Variants in LRCH4 observed in about 807,000 individuals in gnomAD.
The protein encoded by LRCH4 is leucine rich repeats and calponin homology domain containing 4, also known as leucine-rich repeat and calponin homology domain-containing protein 4.
In LRCH4, 56 loss-of-function variants were observed where a neutral mutation model predicts 81.2. The ratio of observed to expected loss-of-function variants is 0.69; its 90% CI spans 0.56 to 0.86. LRCH4 has a LOEUF of 0.86. Ranked by LOEUF, LRCH4 falls within the 40% of genes least tolerant of loss-of-function variation. The pLI, the probability that LRCH4 is intolerant of heterozygous loss-of-function variation, is 0.00. For synonymous variants in LRCH4, 442 were observed against 409.7 expected, an observed-to-expected ratio of 1.08 and a Z score of -0.95; for missense variants, 895 against 922.8, an observed-to-expected ratio of 0.97 and a Z score of 0.39.
In LRCH4 at chr7:100,574,282, A is replaced by G. The variant is rs1177583628; in HGVS notation, c.*825T>C. On this transcript the variant is annotated 3_prime_UTR_variant, in exon 18 of 18. Coordinates refer to ENST00000310300, the MANE Select transcript of LRCH4 (RefSeq NM_002319.5). The stretch of plus-strand genomic sequence containing the variant: ...GCCGGTCCAGCAGGGCGTGGACGAC[A>G]GCAGCGATGTAGGGGAGGCCCCTTC... 1.1e-5 allele frequency: 2 copies of G among 189,892 alleles called. No homozygotes were observed. The highest frequency in any genetic ancestry group is 2.3e-5 in the Non-Finnish European group (2 of 87,388). 11.8% of individuals were successfully genotyped at this position (189,892 alleles called of 1,614,324 possible).
At chr7:100,576,638 G>T in intron 14 of LRCH4, 56 bp downstream of exon 14, 1 of 1,438,104 alleles carries the variant, frequency 7.0e-7, no homozygotes, top group South Asian at 1.2e-5. Context: ...GAAGGGTGAT[G>T]TAGCCGTTGG....
rs193185187 is a variant in LRCH4, at chr7:100,583,379, C to G, written c.221-920G>C. On this transcript the variant is annotated intron_variant, in intron 1 of 17. Coordinates refer to ENST00000310300, the MANE Select transcript of LRCH4 (RefSeq NM_002319.5). This position sits in a 1 kb window ranked among gnomAD's most constrained non-coding sequence, Gnocchi z 4.3. The stretch of plus-strand genomic sequence containing the variant: ...GGCAGCCTTGGGATTCCCTGTAGCA[C>G]GGACCCACTAACGGCTTAGACCTGG... Among the ~76,000 whole-genome samples the G allele has an allele frequency of 1.3e-5, 2 of 152,154 alleles. No individual in the cohort carries two copies.
Position 100,574,993 on chromosome 7 carries a change from G to A in LRCH4, c.*114C>T. 1.0e-6 allele frequency: 1 copy of A among 989,724 alleles called. No individual in the cohort carries two copies. The highest frequency in any genetic ancestry group is 1.5e-6 in the Non-Finnish European group (1 of 675,938). 61.3% of individuals were successfully genotyped at this position (989,724 alleles called of 1,614,324 possible). The stretch of plus-strand genomic sequence containing the variant: ...CTCTGAGGTCAGTGTCTGTGAAGGG[G>A]GTGCACTAGTGTCTTTGGTTGGGGC... On this transcript the variant is annotated 3_prime_UTR_variant, in exon 18 of 18. Transcript: ENST00000310300.
rs767964258 is a variant in LRCH4 at position 100,582,092 on chromosome 7, CTTG to C, written c.438_440del (p.Asn146del). The C allele has an allele frequency of 1.2e-6, 2 of 1,612,124 alleles. No homozygotes were observed. The highest frequency in any genetic ancestry group is 1.7e-5 in the Admixed American group (1 of 59,870). On this transcript the variant is annotated inframe_deletion, in exon 3 of 18. Coordinates refer to ENST00000310300, the MANE Select transcript of LRCH4 (RefSeq NM_002319.5). The surrounding 1 kb of genome is among the most constrained non-coding windows in gnomAD (Gnocchi z 5.0). Reference sequence around the variant, plus strand: ...CGATGTCAGGGGGCAGGGCTCCCAGCTTGTTGTTGCTGACGATGAGGACCCTCA... The same window carrying C: ...CGATGTCAGGGGGCAGGGCTCCCAGCTTGTTGCTGACGATGAGGACCCTCA...
In LRCH4 at chr7:100,577,000, G is replaced by A. The variant is rs571081699; in HGVS notation, c.1370C>T (p.Ser457Leu). 20 of 1,611,874 alleles carry A rather than the reference G, an allele frequency of 1.2e-5. No individual in the cohort carries two copies. In the South Asian group the frequency reaches 1.6e-4, roughly 13 times the overall value. ...AVSTQAMHNG[S>L]PKSSASQAGA... Reference sequence around the variant, plus strand: ...TGCTTGGGAGGCACTGGACTTAGGCGAGCCGCTGAGGAGAGACAGAAGGGA... The same window carrying A: ...TGCTTGGGAGGCACTGGACTTAGGCAAGCCGCTGAGGAGAGACAGAAGGGA... The change falls in exon 13 of 18, where the codon TCG becomes TTG. Residue 457 changes from serine (S) to leucine (L), a missense_variant. This residue lies in a region of LRCH4 where 529 missense variants were observed against 504.9 expected (regional missense o/e 1.05). Transcript: ENST00000310300.
chr7:100,583,964 G>A lies in LRCH4; in HGVS notation c.221-1505C>T, dbSNP rs1362558655. The A allele has an allele frequency of 5.6e-6, 2 of 356,146 alleles. No homozygotes were observed. The highest frequency in any genetic ancestry group is 2.0e-5 in the South Asian group (1 of 48,960). The allele number at this position is 356,146 out of a possible 1,614,324, so 22.1% of individuals were successfully genotyped here. A position where few individuals can be genotyped will look rare whatever the true frequency, so the allele number is the denominator to read the frequency against. The stretch of plus-strand genomic sequence containing the variant: ...TGGGGGCACAGGATGTGGTCTGGGA[G>A]AGAATGAGCTGCACTTCTCCTTTGC... On this transcript the variant is annotated intron_variant, in intron 1 of 17. Transcript: ENST00000310300. This position sits in a 1 kb window ranked among gnomAD's most constrained non-coding sequence, Gnocchi z 4.3.
chr7:100,575,704 C>A lies in LRCH4; in HGVS notation c.1854+1G>T, dbSNP rs1801333109. ...CACTCTTTAGAAAGCAGCCCCCATA[C>A]CTCAGGCACCCCCATTTTTCGACAG... On this transcript the variant is annotated splice_donor_variant, in intron 17 of 17. Transcript: ENST00000310300. LOFTEE classifies it high-confidence loss of function. This position sits in a 1 kb window ranked among gnomAD's most constrained non-coding sequence, Gnocchi z 5.3. 6.2e-7 allele frequency: 1 copy of A among 1,614,134 alleles called. No homozygotes were observed. Among genetic ancestry groups the A allele is most frequent in the Non-Finnish European group, 8.5e-7 (1 of 1,179,970 alleles).
intron 4 of LRCH4, chr7:100,579,163 T>A (rs767929962): frequency 9.0e-5 from 21 of 232,066 alleles, no homozygotes; most frequent in Non-Finnish European, 1.5e-4. Flanking sequence ...AAACACCTCC[T>A]GTGACATGCA....
At chr7:100,579,061 C>T (rs2131181866) in intron 4 of LRCH4, 2 of 487,992 alleles carry the variant, frequency 4.1e-6, no homozygotes, top group Admixed American at 3.7e-5. Context: ...CCGCCCAGCC[C>T]TGTCTGTCCT....
In LRCH4 at chr7:100,585,954, C is replaced by T. The variant is rs1801729221; in HGVS notation, c.147G>A (p.Leu49=). The change falls in exon 1 of 18, where the codon CTG becomes CTA. Residue 49 remains leucine (L), a synonymous_variant. Transcript: ENST00000310300. ...GGAAGTGCTTCAAGCGCCGGTTAGA[C>T]AGGTTCAGGGTCCCGGTGGCCACGG... ...EEAVATGTLN[L]SNRRLKHFPR... is the part of the protein sequence containing the mutation. The T allele has an allele frequency of 1.2e-6, 2 of 1,612,570 alleles. No homozygotes were observed. The highest frequency in any genetic ancestry group is 1.7e-6 in the Non-Finnish European group (2 of 1,179,274).
chr7:100,581,556 G>GAAAGCCT, intron 4 of LRCH4: 1 of 499,602 alleles, frequency 2.0e-6, no homozygotes, highest in South Asian at 2.5e-5. Flanking sequence ...CTCCGCCATC[G>GAAAGCCT]GAGAGTACCA....
chr7:100,581,788 G>A lies in LRCH4; in HGVS notation c.587C>T (p.Thr196Met), dbSNP rs149828516. 34 of 1,614,152 alleles carry A rather than the reference G, an allele frequency of 2.1e-5. No homozygotes were observed. In the Admixed American group the frequency reaches 2.5e-4, roughly 12 times the overall value. Residue 196 changes from threonine to methionine, a missense_variant, in exon 4 of 18, where the codon ACG (threonine) becomes ATG (methionine). Coordinates refer to ENST00000310300, the MANE Select transcript of LRCH4 (RefSeq NM_002319.5). The stretch of plus-strand genomic sequence containing the variant: ...TTCATTCTTCTCACCTTCGGGCAGC[G>A]TACTGAGCTGGTTCCTCCGGACATT... ...DLNVRRNQLS[T>M]LPEELGDLPL...
Position 100,576,713 on chromosome 7 carries a change from G to A in LRCH4, c.1533C>T (p.Ser511=). The part of the protein sequence containing the change: ...IQRPNSFLFR[S]SSQSGSGPSS... ...ACCCACCTGAGCCACTCTGAGAGGAGGAACGGAAGAGGAAGCTGTTTGGTC... is the reference window on the plus strand; with the variant it reads ...ACCCACCTGAGCCACTCTGAGAGGAAGAACGGAAGAGGAAGCTGTTTGGTC... Residue 511 remains serine, a synonymous_variant, in exon 14 of 18, where the codon TCC becomes TCT. Coordinates refer to ENST00000310300, the MANE Select transcript of LRCH4 (RefSeq NM_002319.5). 1 of 1,595,184 alleles carries A rather than the reference G, an allele frequency of 6.3e-7. No individual in the cohort carries two copies. The highest frequency in any genetic ancestry group is 8.5e-7 in the Non-Finnish European group (1 of 1,170,920).
In LRCH4 at chr7:100,575,523, G is replaced by GT. The variant is rs1459324745; in HGVS notation, c.1854+181dup. On this transcript the variant is annotated intron_variant, in intron 17 of 17. Transcript: ENST00000310300. This position sits in a 1 kb window ranked among gnomAD's most constrained non-coding sequence, Gnocchi z 5.3. ...AGATGGGGCCTGCAGGGCAGGGGATGTGTAGGACAGGTGACATGCAGGGCA... is the reference window on the plus strand; with the variant it reads ...AGATGGGGCCTGCAGGGCAGGGGATGTTGTAGGACAGGTGACATGCAGGGCA... The GT allele has an allele frequency of 1.1e-6, 1 of 878,948 alleles. No individual in the cohort carries two copies. The highest frequency in any genetic ancestry group is 1.6e-5 in the African/African-American group (1 of 60,914). 54.4% of individuals were successfully genotyped at this position (878,948 alleles called of 1,614,324 possible). A position where few individuals can be genotyped will look rare whatever the true frequency, so the allele number is the denominator to read the frequency against.
chr7:100,576,214 C>T (rs758532699), intron 15 of LRCH4, 24 bp downstream of exon 15: 6 of 1,610,490 alleles, frequency 3.7e-6, no homozygotes, highest in South Asian at 3.3e-5. Flanking sequence ...GGCCCCTGCC[C>T]ACGCAGCTCC....
At position 100,574,861 on chromosome 7, in the gene LRCH4, G is replaced by A. The variant is rs931853580; in HGVS notation, c.*246C>T. 3.9e-5 allele frequency: 17 copies of A among 440,052 alleles called. No individual in the cohort carries two copies. In the Middle Eastern group the frequency reaches 2.9e-3, roughly 76 times the overall value. 27.3% of individuals were successfully genotyped at this position (440,052 alleles called of 1,614,324 possible). On this transcript the variant is annotated 3_prime_UTR_variant, in exon 18 of 18. Transcript: ENST00000310300. ...GGGTACAGAGGGCAGGGGCAGGGCC[G>A]GCGGGGACATGAAGGCACCGTCAGC...
chr7:100,581,929 C>A (rs903802147), intron 3 of LRCH4, 47 bp from the exon 4 acceptor site: 2 of 1,610,770 alleles, frequency 1.2e-6, no homozygotes, highest in African/African-American at 1.3e-5. Context: ...CCAGGCCCAG[C>A]AGAACCCACC....
Position 100,575,734 on chromosome 7 carries a change from C to T in LRCH4, c.1825G>A (p.Glu609Lys), listed in dbSNP as rs1427426579. 4 of 1,613,844 alleles carry T rather than the reference C, an allele frequency of 2.5e-6. No individual in the cohort carries two copies. The highest frequency in any genetic ancestry group is 2.2e-5 in the East Asian group (1 of 44,880). Residue 609 changes from glutamate (E) to lysine (K), a missense_variant, in exon 17 of 18, where the codon GAA (glutamate) becomes AAA (lysine). Glu to Lys is a moderately conservative substitution (Grantham distance 56). Coordinates refer to ENST00000310300, the MANE Select transcript of LRCH4 (RefSeq NM_002319.5). This position sits in a 1 kb window ranked among gnomAD's most constrained non-coding sequence, Gnocchi z 5.3. Reference protein sequence around the residue: ...KARKNVESFLEACRKMGVPEA... With the variant: ...KARKNVESFLKACRKMGVPEA... ...GGCACCCCCATTTTTCGACAGGCTT[C>T]TAGAAAACTCTCCACATTCTTCCGA...
intron 14 of LRCH4, 43 bp from the exon 15 acceptor site, chr7:100,576,366 C>A: frequency 7.0e-7 from 1 of 1,423,952 alleles, no homozygotes; most frequent in South Asian, 1.2e-5. Flanking sequence ...CACTGCTCAC[C>A]ACTGACTCTG....
Sources: gnomAD v4.1 joint callset for allele counts (sites outside exome capture counted in the v4.1 genomes callset) on GRCh38, gnomAD v4.1.1 for gene constraint, gnomAD v4.1.1 regional missense constraint, Gnocchi (gnomAD v3.1) non-coding constraint, MANE v1.5 for transcripts, NCBI Gene and HGNC (gene_info 2026-07-23, HGNC 2026-07-21) for gene names.